Variants in CDH13 observed in about 807,000 individuals in gnomAD.
CDH13 encodes the protein cadherin-13.
A neutral mutation model predicts 63.8 loss-of-function variants in CDH13; 24 were observed. That is an observed-to-expected ratio of 0.38 (90% confidence interval 0.27 to 0.53). The LOEUF (loss-of-function observed/expected upper bound fraction) is 0.53. Among genes scored for constraint, CDH13 ranks in the 20% least tolerant of loss-of-function variants. The pLI, the probability that CDH13 is intolerant of heterozygous loss-of-function variation, is 0.85. For missense variants in CDH13, 1,049 were observed against 903.1 expected (o/e 1.16, Z -2.07); for synonymous variants, 503 against 355.3 (o/e 1.42, Z -4.67).
chr16:83,092,898 C>T (rs2033987527), intron 3 of CDH13, among the ~76,000 whole-genome samples: 1 of 152,126 alleles, frequency 6.6e-6, no homozygotes, highest in Non-Finnish European at 1.5e-5. Flanking sequence ...AGCACTGTTT[C>T]ATTTATAAAA....
At chr16:83,292,588 C>A (rs977845693) in intron 5 of CDH13, among the ~76,000 whole-genome samples, 2 of 152,146 alleles carry the variant, frequency 1.3e-5, no homozygotes, top group African/African-American at 4.8e-5. Context: ...GCGGTAGGAG[C>A]TATACCTCTC....
At chr16:83,045,305 A>G (rs1411785952) in intron 3 of CDH13, among the ~76,000 whole-genome samples, 2 of 152,180 alleles carry the variant, frequency 1.3e-5, no homozygotes, top group South Asian at 2.1e-4. Context: ...TGGAAATAGC[A>G]TGAGATTTCC....
intron 7 of CDH13, among the ~76,000 whole-genome samples, chr16:83,536,473 GC>G (rs1316019241): frequency 6.6e-6 from 1 of 152,124 alleles, no homozygotes; most frequent in Non-Finnish European, 1.5e-5. Context: ...AAAAGGGTGA[GC>G]AAAGGTCCTG....
chr16:82,627,282 T>C, intron 1 of CDH13, 145 bp downstream of exon 1: 1 of 687,364 alleles, frequency 1.5e-6, no homozygotes. Flanking sequence ...AGGGAGGTCA[T>C]TCCGAGCCCA....
intron 3 of CDH13, among the ~76,000 whole-genome samples, chr16:83,080,249 A>T (rs1422157831): frequency 6.6e-6 from 1 of 152,130 alleles, no homozygotes; most frequent in East Asian, 1.9e-4. Flanking sequence ...ATGTTGCTCA[A>T]ATTGGTGATG....
chr16:82,676,534 G>C (rs1032265898), intron 1 of CDH13, among the ~76,000 whole-genome samples: 1 of 126,636 alleles, frequency 7.9e-6, no homozygotes, highest in South Asian at 2.6e-4. Flanking sequence ...TGGCCCCCCA[G>C]ATGGTCATAC....
chr16:82,846,928 G>C (rs1271472793), intron 1 of CDH13, among the ~76,000 whole-genome samples: 1 of 152,088 alleles, frequency 6.6e-6, no homozygotes, highest in Admixed American at 6.6e-5. Context: ...AAAAATGAGA[G>C]ACAATGCTTA....
chr16:83,308,696 G>A (rs763727), intron 5 of CDH13, among the ~76,000 whole-genome samples: 54,644 of 152,112 alleles, frequency 0.36, 10,140 homozygotes, highest in East Asian at 0.49. Flanking sequence ...AAAAAAGGAA[G>A]CCCTTGCTTC....
intron 1 of CDH13, chr16:82,826,763 C>G (rs748751766): frequency 5.3e-5 from 8 of 152,146 alleles, no homozygotes; most frequent in Non-Finnish European, 1.2e-4. Context: ...GCTGGTGAAA[C>G]AGTTTGGCAG....
intron 6 of CDH13, among the ~76,000 whole-genome samples, chr16:83,444,052 G>T (rs58582952): frequency 0.19 from 28,290 of 150,860 alleles, 4,044 homozygotes; most frequent in Non-Finnish European, 0.27. Context: ...ATGATGGGCT[G>T]ATGATGACTG....
At chr16:83,183,397 C>T (rs986554128) in intron 4 of CDH13, among the ~76,000 whole-genome samples, 1 of 152,174 alleles carries the variant, frequency 6.6e-6, no homozygotes, top group Admixed American at 6.5e-5. Flanking sequence ...CGACGTGAAG[C>T]CATGGATTTG....
At chr16:83,441,756 C>T (rs144571009) in intron 6 of CDH13, among the ~76,000 whole-genome samples, 1 of 152,176 alleles carries the variant, frequency 6.6e-6, no homozygotes, top group African/African-American at 2.4e-5. Context: ...AGAGAGAGTA[C>T]CTGGTGGAGC....
intron 3 of CDH13, among the ~76,000 whole-genome samples, chr16:83,105,343 C>T (rs1395784177): frequency 6.6e-6 from 1 of 152,198 alleles, no homozygotes; most frequent in Non-Finnish European, 1.5e-5. Flanking sequence ...TGACATCCAC[C>T]ATCATCTGCA....
intron 2 of CDH13, among the ~76,000 whole-genome samples, chr16:83,030,340 G>C (rs1916187988): frequency 6.6e-6 from 1 of 152,044 alleles, no homozygotes; most frequent in Non-Finnish European, 1.5e-5. Flanking sequence ...TATAATCATT[G>C]TATTGGGTCC....
intron 5 of CDH13, among the ~76,000 whole-genome samples, chr16:83,221,036 A>G (rs772015067): frequency 6.6e-6 from 1 of 152,250 alleles, no homozygotes; most frequent in Non-Finnish European, 1.5e-5. Context: ...TAGCTGTTAA[A>G]CAACTTTTTC....
At chr16:82,671,910 T>G (rs1000901862) in intron 1 of CDH13, among the ~76,000 whole-genome samples, 2 of 152,194 alleles carry the variant, frequency 1.3e-5, no homozygotes, top group Non-Finnish European at 2.9e-5. Flanking sequence ...CTGGCCAGCA[T>G]CATTTCTCTG....
At chr16:83,321,200 AT>A (rs2090216092) in intron 5 of CDH13, among the ~76,000 whole-genome samples, 1 of 152,196 alleles carries the variant, frequency 6.6e-6, no homozygotes, top group South Asian at 2.1e-4. Flanking sequence ...TTGTGAAACA[AT>A]TGTCTATTAT....
chr16:83,599,724 G>T (rs1326437239), intron 7 of CDH13, among the ~76,000 whole-genome samples: 1 of 152,142 alleles, frequency 6.6e-6, no homozygotes, highest in Non-Finnish European at 1.5e-5. Flanking sequence ...AATATTATAT[G>T]TGAAAAATAA....
chr16:82,735,392 C>T (rs898482574), intron 1 of CDH13, among the ~76,000 whole-genome samples: 2 of 152,212 alleles, frequency 1.3e-5, no homozygotes, highest in Non-Finnish European at 2.9e-5. Context: ...CCTGCAGTGA[C>T]TGTGCTATTC....
Sources: gnomAD v4.1 joint callset for allele counts (sites outside exome capture counted in the v4.1 genomes callset) on GRCh38, gnomAD v4.1.1 for gene constraint, MANE v1.5 for transcripts, NCBI Gene and HGNC (gene_info 2026-07-23, HGNC 2026-07-21) for gene names.